MGAT4C: variants seen among roughly 807,000 people sequenced by gnomAD.
MGAT4C encodes alpha-1,3-mannosyl-glycoprotein 4-beta-N-acetylglucosaminyltransferase C.
A neutral mutation model predicts 40.1 loss-of-function variants in MGAT4C; 19 were observed. That is an observed-to-expected ratio of 0.47 (90% confidence interval 0.33 to 0.70). The LOEUF (loss-of-function observed/expected upper bound fraction) is 0.70. Ranked by LOEUF, MGAT4C falls within the 30% of genes least tolerant of loss-of-function variation. The pLI is 0.02. For missense variants in MGAT4C, 491 were observed against 563.2 expected, an observed-to-expected ratio of 0.87 and a Z score of 1.30; for synonymous variants, 181 against 187.1, an observed-to-expected ratio of 0.97 and a Z score of 0.27.
In MGAT4C at chr12:86,345,621, C is replaced by T. The variant is rs576669940; in HGVS notation, c.-119-11494G>A. 5.9e-5 allele frequency among the ~76,000 whole-genome samples: 9 copies of T among 152,240 alleles called. No individual in the cohort carries two copies. The East Asian group carries it at 1.5e-3, about 26-fold the overall frequency. On this transcript the variant is annotated intron_variant, in intron 3 of 7. Transcript: ENST00000548651. ...GACATGAACTCATCATTTTTTATGG[C>T]TGCATAGTATTCCATGGTGTATATG...
chr12:86,387,833 T>C (rs565712641), intron 3 of MGAT4C, among the ~76,000 whole-genome samples: 1 of 152,280 alleles, frequency 6.6e-6, no homozygotes, highest in Non-Finnish European at 1.5e-5. Flanking sequence ...ATACTGTGGA[T>C]GTTATTTGTA....
At chr12:86,828,664 G>T (rs966379150) in intron 1 of MGAT4C, among the ~76,000 whole-genome samples, 4 of 151,452 alleles carry the variant, frequency 2.6e-5, no homozygotes, top group African/African-American at 4.8e-5. Context: ...AGAAAATTTG[G>T]TATGTACAAA....
At chr12:86,751,307 T>G (rs1256667208) in intron 1 of MGAT4C, among the ~76,000 whole-genome samples, 1 of 152,036 alleles carries the variant, frequency 6.6e-6, no homozygotes, top group Non-Finnish European at 1.5e-5. Flanking sequence ...GAAATTTTCT[T>G]GTACTCTACA....
chr12:86,235,269 A>T (rs1210144025), intron 1 of MGAT4C, among the ~76,000 whole-genome samples: 1 of 151,968 alleles, frequency 6.6e-6, no homozygotes, highest in Non-Finnish European at 1.5e-5. Flanking sequence ...AGGTCACATC[A>T]TCTCTTTCCT....
At chr12:86,225,057 G>A (rs1313974395) in intron 1 of MGAT4C, among the ~76,000 whole-genome samples, 1 of 151,666 alleles carries the variant, frequency 6.6e-6, no homozygotes, top group Non-Finnish European at 1.5e-5. Flanking sequence ...ACCAAGAAAG[G>A]AAGATCCAAA....
intron 2 of MGAT4C, among the ~76,000 whole-genome samples, chr12:86,456,990 T>G (rs1207242852): frequency 6.6e-6 from 1 of 152,144 alleles, no homozygotes; most frequent in Non-Finnish European, 1.5e-5. Flanking sequence ...CTCCTGGATC[T>G]TCTTCCTGAA....
chr12:86,451,592 T>A (rs1359919458), intron 2 of MGAT4C, among the ~76,000 whole-genome samples: 1 of 152,118 alleles, frequency 6.6e-6, no homozygotes, highest in African/African-American at 2.4e-5. Flanking sequence ...ATGTCTTTTG[T>A]CAGATTTGAA....
At chr12:86,523,511 G>A (rs184080426) in intron 2 of MGAT4C, among the ~76,000 whole-genome samples, 7 of 152,184 alleles carry the variant, frequency 4.6e-5, no homozygotes, top group Admixed American at 2.0e-4. Context: ...TTCCAACCAC[G>A]TGATGAACTT....
rs921502121 is a variant in MGAT4C, at chr12:86,651,614, C to T, written c.-229+75595G>A. ...ATGACCTAATGATCACTTTTCTTCC[C>T]CACAAGATGCCTAACATTGAAAACT... On this transcript the variant is annotated intron_variant, in intron 2 of 7. Transcript: ENST00000548651. 4.0e-5 allele frequency among the ~76,000 whole-genome samples: 6 copies of T among 151,764 alleles called. No homozygotes were observed. In the South Asian group the frequency reaches 1.2e-3, roughly 31 times the overall value.
At chr12:86,079,133 T>C (rs765010025) in intron 1 of MGAT4C, among the ~76,000 whole-genome samples, 1 of 152,102 alleles carries the variant, frequency 6.6e-6, no homozygotes, top group East Asian at 1.9e-4. Context: ...AATGTTGGTG[T>C]AGTGGTGGCA....
intron 4 of MGAT4C, among the ~76,000 whole-genome samples, chr12:86,286,741 C>T (rs1035758854): frequency 6.6e-6 from 1 of 151,228 alleles, no homozygotes; most frequent in African/African-American, 2.4e-5. Context: ...TCCCCTCCCA[C>T]CCCCACCCCC....
rs572579087 is a variant in MGAT4C at position 86,716,916 on chromosome 12, C to T, written c.-229+10293G>A. On this transcript the variant is annotated intron_variant, in intron 2 of 7. Coordinates refer to the MGAT4C transcript ENST00000548651. ...CTGCCCTTGAAATATGCAGTTGATT[C>T]TTCCTACCTCCTAGCACTATATACT... Among the ~76,000 whole-genome samples, 318 of 152,174 alleles carry T rather than the reference C, an allele frequency of 2.1e-3. 1 individual carries two copies. The highest frequency in any genetic ancestry group is 3.4e-3 in the Non-Finnish European group (233 of 67,978).
At chr12:86,578,725 C>G (rs940989611) in intron 2 of MGAT4C, among the ~76,000 whole-genome samples, 4 of 151,626 alleles carry the variant, frequency 2.6e-5, no homozygotes, top group Non-Finnish European at 5.9e-5. Flanking sequence ...TTTCATTTCT[C>G]ATTTTAATAT....
At chr12:86,204,660 C>G (rs1950183892) in intron 1 of MGAT4C, among the ~76,000 whole-genome samples, 1 of 152,000 alleles carries the variant, frequency 6.6e-6, no homozygotes, top group African/African-American at 2.4e-5. Context: ...GTTACTTTAA[C>G]CTTAGGCTGA....
chr12:85,986,410 G>A (rs755662657), intron 3 of MGAT4C, among the ~76,000 whole-genome samples: 18 of 152,200 alleles, frequency 1.2e-4, no homozygotes, highest in South Asian at 2.1e-4. Flanking sequence ...GGCATGCAGT[G>A]TCTCTTCTAC....
chr12:86,514,605 ACTCT>A (rs1304920852), intron 2 of MGAT4C, among the ~76,000 whole-genome samples: 3 of 151,996 alleles, frequency 2.0e-5, no homozygotes, highest in Admixed American at 6.6e-5. Context: ...AATCTCTCTG[ACTCT>A]CTATCTTCTG....
At chr12:86,601,763 C>A (rs1012739256) in intron 2 of MGAT4C, among the ~76,000 whole-genome samples, 2 of 152,082 alleles carry the variant, frequency 1.3e-5, no homozygotes, top group African/African-American at 4.8e-5. Context: ...GGGGCCGGAG[C>A]GGGGCAGAGG....
At chr12:86,102,566 G>T (rs1031569114) in intron 1 of MGAT4C, among the ~76,000 whole-genome samples, 3 of 152,036 alleles carry the variant, frequency 2.0e-5, no homozygotes, top group African/African-American at 7.2e-5. Flanking sequence ...GTTTAGAAGT[G>T]AAGTATTTTT....
At chr12:86,035,849 CT>C (rs1461359362) in intron 2 of MGAT4C, among the ~76,000 whole-genome samples, 1 of 149,748 alleles carries the variant, frequency 6.7e-6, no homozygotes, top group East Asian at 1.9e-4. Context: ...TTCCCCATTG[CT>C]TGTTTTTGTC....
Sources: allele counts gnomAD v4.1 joint callset (sites outside exome capture counted in the v4.1 genomes callset), GRCh38; gene constraint gnomAD v4.1.1; transcripts MANE v1.5; gene names NCBI Gene and HGNC (gene_info 2026-07-23, HGNC 2026-07-21).